The following DDB2 variants were observed in gnomAD, a reference collection of about 807,000 sequenced individuals.
DDB2 encodes the protein damage specific DNA binding protein 2.
In DDB2, 27 loss-of-function variants were observed where a neutral mutation model predicts 50.5. The ratio of observed to expected loss-of-function variants is 0.53; its 90% CI spans 0.39 to 0.74. The LOEUF is 0.74. Among genes scored for constraint, DDB2 ranks in the 30% least tolerant of loss-of-function variants. DDB2 has a pLI of 0.00. For missense variants in DDB2, 424 were observed against 545.6 expected (o/e 0.78, Z 2.22); for synonymous variants, 176 against 205.5 (o/e 0.86, Z 1.23).
In DDB2 at chr11:47,233,051, G is replaced by A. The variant is rs4647744; in HGVS notation, c.602+92G>A. On this transcript the variant is annotated intron_variant, in intron 4 of 9. Coordinates refer to ENST00000256996, the MANE Select transcript of DDB2 (RefSeq NM_000107.3). ...GATCCCATTTCCTTAACCCAACCTG[G>A]CCCAGGGAAGAAAGGAAAGATGTCA... 9,677 of 1,414,836 alleles carry A rather than the reference G, an allele frequency of 6.8e-3. 600 individuals are homozygous for A. In the African/African-American group the frequency reaches 0.12, roughly 18 times the overall value. The allele number at this position is 1,414,836 out of a possible 1,614,324, so 87.6% of individuals were successfully genotyped here.
intron 3 of DDB2, among the ~76,000 whole-genome samples, chr11:47,222,650 T>C (rs1953503094): frequency 6.6e-6 from 1 of 152,242 alleles, no homozygotes; most frequent in South Asian, 2.1e-4. Context: ...CCAGCCACAT[T>C]GTACTGATAT....
intron 4 of DDB2, among the ~76,000 whole-genome samples, chr11:47,234,108 T>C (rs1212275867): frequency 6.6e-6 from 1 of 152,058 alleles, no homozygotes; most frequent in Non-Finnish European, 1.5e-5. Context: ...TTGTGTTTTT[T>C]CCCCCAGTGT....
At chr11:47,225,358 T>A (rs1953543117) in intron 3 of DDB2, among the ~76,000 whole-genome samples, 1 of 151,542 alleles carries the variant, frequency 6.6e-6, no homozygotes, top group Non-Finnish European at 1.5e-5. Flanking sequence ...TTTGGGAAGC[T>A]GAGGTGGACG....
In DDB2 at chr11:47,228,193, C is replaced by G. The variant is rs558971355; in HGVS notation, c.457-4621C>G. ...CTGATTTCTGTGAATTGCTTGAGCC[C>G]AGGAGGCAGAGGTTGTAGTAAGCTG... On this transcript the variant is annotated intron_variant, in intron 3 of 9. Coordinates refer to ENST00000256996, the MANE Select transcript of DDB2 (RefSeq NM_000107.3). Among the ~76,000 whole-genome samples, 4 of 150,524 alleles carry G rather than the reference C, an allele frequency of 2.7e-5. No individual in the cohort carries two copies. The East Asian group carries it at 7.8e-4, about 29-fold the overall frequency.
At position 47,239,158 on chromosome 11, in the gene DDB2, T is replaced by C; in HGVS notation, c.*309T>C. 1 of 429,860 alleles carries C rather than the reference T, an allele frequency of 2.3e-6. No homozygotes were observed. The highest frequency in any genetic ancestry group is 4.3e-6 in the Non-Finnish European group (1 of 230,604). The allele number at this position is 429,860 out of a possible 1,614,324, so 26.6% of individuals were successfully genotyped here. On this transcript the variant is annotated 3_prime_UTR_variant, in exon 10 of 10. Transcript: ENST00000256996. ...CTCTCAGTGGGTGGTAGCAGAGGGA[T>C]CAAGCAGTTATTTGATTTGTGCTCA... is the stretch of plus-strand genomic sequence containing the variant.
chr11:47,230,875 C>T (rs1437096600), intron 3 of DDB2, among the ~76,000 whole-genome samples: 1 of 152,144 alleles, frequency 6.6e-6, no homozygotes, highest in Admixed American at 6.6e-5. Context: ...AATCCCAGCA[C>T]TTTGGGAAGC....
chr11:47,224,897 T>G (rs1001343139), intron 3 of DDB2, among the ~76,000 whole-genome samples: 4 of 152,082 alleles, frequency 2.6e-5, no homozygotes, highest in Admixed American at 2.6e-4. Context: ...TAATTTGGAT[T>G]TTTTTTCATG....
intron 4 of DDB2, 34 bp downstream of exon 4, chr11:47,232,993 T>A: frequency 6.2e-7 from 1 of 1,612,828 alleles, no homozygotes. Context: ...AAAGGGCTTC[T>A]AAGCTTAGGT....
At chr11:47,230,334 A>G (rs1039596242) in intron 3 of DDB2, among the ~76,000 whole-genome samples, 2 of 152,086 alleles carry the variant, frequency 1.3e-5, no homozygotes, top group Non-Finnish European at 2.9e-5. Flanking sequence ...GGGATTATAG[A>G]TGTGAGCTAC....
intron 3 of DDB2, among the ~76,000 whole-genome samples, chr11:47,231,142 A>AAAC (rs1163922988): frequency 2.6e-5 from 4 of 151,146 alleles, no homozygotes; most frequent in South Asian, 2.1e-4. Context: ...AAAAAAAAAA[A>AAAC]AACACACAAA....
chr11:47,217,266 C>A, intron 3 of DDB2: 1 of 441,520 alleles, frequency 2.3e-6, no homozygotes, highest in Non-Finnish European at 4.3e-6. Context: ...ATCCCAGCTA[C>A]TCAGGAGGCT....
At chr11:47,238,510 T>C (rs1953781144) in intron 9 of DDB2, among the ~76,000 whole-genome samples, 1 of 152,148 alleles carries the variant, frequency 6.6e-6, no homozygotes, top group Non-Finnish European at 1.5e-5. Flanking sequence ...GCCATTCTCC[T>C]GCCTCAACCT....
chr11:47,215,140 G>A lies in DDB2; in HGVS notation c.4G>A (p.Ala2Thr). ...ACCCCTTCACACGGAGGACGCGATGGCTCCCAAGAAACGCCCAGAAACCCA... is the reference window on the plus strand; with the variant it reads ...ACCCCTTCACACGGAGGACGCGATGACTCCCAAGAAACGCCCAGAAACCCA... M[A>T]PKKRPETQKT... Residue 2 changes from alanine to threonine, a missense_variant, in exon 1 of 10, where the codon GCT (alanine) becomes ACT (threonine). Transcript: ENST00000256996. 1 of 1,614,048 alleles carries A rather than the reference G, an allele frequency of 6.2e-7. No individual in the cohort carries two copies. Among genetic ancestry groups the A allele is most frequent in the Non-Finnish European group, 8.5e-7 (1 of 1,180,018 alleles).
chr11:47,220,361 T>G (rs1208945042), intron 3 of DDB2: 1 of 152,208 alleles, frequency 6.6e-6, no homozygotes, highest in Non-Finnish European at 1.5e-5. Flanking sequence ...TCTTGTTTTC[T>G]CCAGGAGTCT....
intron 3 of DDB2, among the ~76,000 whole-genome samples, chr11:47,222,734 G>T (rs920712655): frequency 1.3e-5 from 2 of 152,218 alleles, no homozygotes; most frequent in African/African-American, 4.8e-5. Flanking sequence ...CATATAAAGC[G>T]ACTGTGAACA....
chr11:47,214,990 G>A lies in DDB2; in HGVS notation c.-147G>A. 8.3e-7 allele frequency: 1 copy of A among 1,198,820 alleles called. No homozygotes were observed. The highest frequency in any genetic ancestry group is 1.2e-6 in the Non-Finnish European group (1 of 816,132). 74.3% of individuals were successfully genotyped at this position (1,198,820 alleles called of 1,614,324 possible). A position where few individuals can be genotyped will look rare whatever the true frequency, so the allele number is the denominator to read the frequency against. On this transcript the variant is annotated 5_prime_UTR_variant, in exon 1 of 10. Coordinates refer to ENST00000256996, the MANE Select transcript of DDB2 (RefSeq NM_000107.3). Reference sequence around the variant, plus strand: ...CTCCAAGCTGGTTTGAACAAGCCCTGGGCATGTTTGGCGGGAAGTTGGCTT... The same window carrying A: ...CTCCAAGCTGGTTTGAACAAGCCCTAGGCATGTTTGGCGGGAAGTTGGCTT...
At chr11:47,226,204 C>T (rs1306540479) in intron 3 of DDB2, among the ~76,000 whole-genome samples, 1 of 151,918 alleles carries the variant, frequency 6.6e-6, no homozygotes, top group Non-Finnish European at 1.5e-5. Flanking sequence ...TCCATACTGG[C>T]TATACCATCT....
chr11:47,218,380 C>T (rs1953431121), intron 3 of DDB2, among the ~76,000 whole-genome samples: 1 of 152,174 alleles, frequency 6.6e-6, no homozygotes, highest in South Asian at 2.1e-4. Flanking sequence ...GGGATGTATA[C>T]ATACGAGGTA....
At chr11:47,226,056 A>G (rs1392879841) in intron 3 of DDB2, among the ~76,000 whole-genome samples, 3 of 152,184 alleles carry the variant, frequency 2.0e-5, no homozygotes, top group Non-Finnish European at 4.4e-5. Context: ...ATTGTGAATA[A>G]TGCTGCAGTG....
Sources: gnomAD v4.1 joint callset for allele counts (sites outside exome capture counted in the v4.1 genomes callset) on GRCh38, gnomAD v4.1.1 for gene constraint, MANE v1.5 for transcripts, NCBI Gene and HGNC (gene_info 2026-07-23, HGNC 2026-07-21) for gene names.